The following C8orf34 variants were observed in gnomAD, a reference collection of about 807,000 sequenced individuals.
C8orf34 encodes uncharacterized protein C8orf34.
Under a neutral mutation model 68.3 loss-of-function variants are expected in C8orf34, and 65 were observed. The observed-to-expected ratio is 0.95, with a 90% CI of 0.78 to 1.17. C8orf34 has a LOEUF of 1.17. C8orf34 is among the 50% of genes most tolerant of loss of function. The probability of loss-of-function intolerance (pLI) is 0.00; values close to 1 mark genes in which losing one functional copy is unlikely to be tolerated. For missense variants in C8orf34, 664 were observed against 655.4 expected (o/e 1.01, Z -0.14); for synonymous variants, 244 against 241.2 (o/e 1.01, Z -0.11).
At chr8:68,589,044 T>G (rs193132821) in intron 7 of C8orf34, among the ~76,000 whole-genome samples, 1 of 152,268 alleles carries the variant, frequency 6.6e-6, no homozygotes, top group East Asian at 1.9e-4. Flanking sequence ...AGCCACAATT[T>G]GCTCACCCTT....
chr8:68,527,797 G>T (rs556109398), intron 6 of C8orf34, among the ~76,000 whole-genome samples: 1 of 152,176 alleles, frequency 6.6e-6, no homozygotes, highest in Admixed American at 6.5e-5. Context: ...AACCCTAAGT[G>T]CTCTTAGAAA....
At chr8:68,814,515 T>C (rs962742830) in intron 12 of C8orf34, among the ~76,000 whole-genome samples, 1 of 152,206 alleles carries the variant, frequency 6.6e-6, no homozygotes, top group African/African-American at 2.4e-5. Flanking sequence ...CTACCTTCCA[T>C]ATACAACCTC....
intron 1 of C8orf34, among the ~76,000 whole-genome samples, chr8:68,434,414 T>C (rs552729070): frequency 1.3e-5 from 2 of 152,282 alleles, no homozygotes; most frequent in South Asian, 4.1e-4. Context: ...TGGTTTTCTG[T>C]TCCTGTGTTA....
chr8:68,395,981 C>A (rs1270535680), intron 1 of C8orf34, among the ~76,000 whole-genome samples: 1 of 151,922 alleles, frequency 6.6e-6, no homozygotes, highest in Non-Finnish European at 1.5e-5. Context: ...TAAACTTATT[C>A]CTAAGGAGGC....
At chr8:68,721,870 GAATA>G (rs1821687423) in intron 10 of C8orf34, among the ~76,000 whole-genome samples, 1 of 151,660 alleles carries the variant, frequency 6.6e-6, no homozygotes, top group Non-Finnish European at 1.5e-5. Context: ...AAGGTTAAAA[GAATA>G]AATAGAAAAA....
At chr8:68,423,602 A>G (rs1452132392) in intron 1 of C8orf34, among the ~76,000 whole-genome samples, 1 of 152,122 alleles carries the variant, frequency 6.6e-6, no homozygotes, top group Non-Finnish European at 1.5e-5. Context: ...TGAGTCCTCC[A>G]AACTGTTCCA....
chr8:68,715,102 T>C (rs1350761047), intron 9 of C8orf34, among the ~76,000 whole-genome samples: 1 of 152,098 alleles, frequency 6.6e-6, no homozygotes, highest in Non-Finnish European at 1.5e-5. Flanking sequence ...GATCCTCATC[T>C]CTCATCTTAT....
At chr8:68,771,978 T>G (rs1304470919) in intron 10 of C8orf34, among the ~76,000 whole-genome samples, 1 of 152,210 alleles carries the variant, frequency 6.6e-6, no homozygotes, top group Non-Finnish European at 1.5e-5. Context: ...ACATGAGAAG[T>G]GCTTAATAAA....
chr8:68,740,576 G>C (rs143604790), intron 10 of C8orf34, among the ~76,000 whole-genome samples: 3,637 of 152,160 alleles, frequency 0.024, 62 homozygotes, highest in Non-Finnish European at 0.037. Flanking sequence ...TGATTAAAAA[G>C]TCAAAAATTA....
At chr8:68,386,176 G>A (rs979491795) in intron 1 of C8orf34, among the ~76,000 whole-genome samples, 1 of 151,962 alleles carries the variant, frequency 6.6e-6, no homozygotes, top group Admixed American at 6.6e-5. Context: ...TAAAATTCTG[G>A]GATTACAGGT....
intron 10 of C8orf34, among the ~76,000 whole-genome samples, chr8:68,757,960 G>T (rs536287192): frequency 6.6e-6 from 1 of 152,320 alleles, no homozygotes; most frequent in African/African-American, 2.4e-5. Flanking sequence ...AAAATGGCAG[G>T]TATGTAACTC....
At chr8:68,423,608 T>G (rs1810076815) in intron 1 of C8orf34, among the ~76,000 whole-genome samples, 1 of 152,168 alleles carries the variant, frequency 6.6e-6, no homozygotes, top group African/African-American at 2.4e-5. Flanking sequence ...CTCCAAACTG[T>G]TCCAACCTCT....
intron 8 of C8orf34, among the ~76,000 whole-genome samples, chr8:68,670,254 C>A (rs369461564): frequency 6.6e-6 from 1 of 152,188 alleles, no homozygotes; most frequent in African/African-American, 2.4e-5. Context: ...ACTTTCTAAT[C>A]TTCTCATGTC....
chr8:68,704,043 G>C (rs1028572644), intron 8 of C8orf34, among the ~76,000 whole-genome samples: 1 of 152,080 alleles, frequency 6.6e-6, no homozygotes, highest in African/African-American at 2.4e-5. Context: ...TCACTAAGAA[G>C]TACCTTAAGA....
intron 7 of C8orf34, among the ~76,000 whole-genome samples, chr8:68,604,744 A>C (rs1255624513): frequency 6.6e-6 from 1 of 152,120 alleles, no homozygotes; most frequent in East Asian, 1.9e-4. Context: ...AAAAGGCAAA[A>C]CTGTAAAACT....
At chr8:68,736,147 G>T (rs1218825166) in intron 10 of C8orf34, among the ~76,000 whole-genome samples, 1 of 152,078 alleles carries the variant, frequency 6.6e-6, no homozygotes, top group Non-Finnish European at 1.5e-5. Flanking sequence ...TTTATCTGTG[G>T]TTTTAAGCCT....
chr8:68,615,977 T>C (rs959587291), intron 7 of C8orf34, among the ~76,000 whole-genome samples: 1 of 151,074 alleles, frequency 6.6e-6, no homozygotes, highest in Non-Finnish European at 1.5e-5. Flanking sequence ...AGCCTGTTAT[T>C]GGTCTATTCA....
intron 12 of C8orf34, among the ~76,000 whole-genome samples, chr8:68,801,925 C>T (rs947378588): frequency 6.6e-6 from 1 of 151,174 alleles, no homozygotes; most frequent in South Asian, 2.1e-4. Flanking sequence ...CATGTGCATT[C>T]TCTCTCACAC....
intron 1 of C8orf34, among the ~76,000 whole-genome samples, chr8:68,400,417 A>G (rs1808897448): frequency 6.8e-6 from 1 of 147,376 alleles, no homozygotes; most frequent in Admixed American, 7.0e-5. Flanking sequence ...ATTTATTGCA[A>G]AGTTCCCCAG....
Sources: allele counts gnomAD v4.1 joint callset (sites outside exome capture counted in the v4.1 genomes callset), GRCh38; gene constraint gnomAD v4.1.1; transcripts MANE v1.5; gene names NCBI Gene and HGNC (gene_info 2026-07-23, HGNC 2026-07-21).